The following BICD1 variants were observed in gnomAD, a reference collection of about 807,000 sequenced individuals.
The protein encoded by BICD1 is protein bicaudal D homolog 1.
In BICD1, 35 loss-of-function variants were observed where a neutral mutation model predicts 92.5. The ratio of observed to expected loss-of-function variants is 0.38; its 90% CI spans 0.29 to 0.50. The LOEUF (loss-of-function observed/expected upper bound fraction) is 0.50, where lower values mean the gene tolerates loss of function less well. Ranked by LOEUF, BICD1 falls within the 20% of genes least tolerant of loss-of-function variation. The probability of loss-of-function intolerance (pLI) is 0.93; values close to 1 mark genes in which losing one functional copy is unlikely to be tolerated. For missense variants in BICD1, 950 were observed against 1,189.8 expected (o/e 0.80, Z 2.97); for synonymous variants, 429 against 465.1 (o/e 0.92, Z 1.00).
intron 2 of BICD1, among the ~76,000 whole-genome samples, chr12:32,280,974 G>A (rs561751879): frequency 1.3e-5 from 2 of 152,328 alleles, no homozygotes; most frequent in African/African-American, 2.4e-5. Flanking sequence ...CTCTTACAGA[G>A]TCTCAGTGCA....
At chr12:32,150,460 C>G (rs1299491154) in intron 1 of BICD1, among the ~76,000 whole-genome samples, 3 of 143,334 alleles carry the variant, frequency 2.1e-5, no homozygotes, top group African/African-American at 7.9e-5. Flanking sequence ...GAAGCCCAAT[C>G]AATTTTAGAG....
At position 32,357,844 on chromosome 12, in the gene BICD1, T is replaced by C. The variant is rs562554550; in HGVS notation, c.2765-9826T>C. 2.0e-5 allele frequency among the ~76,000 whole-genome samples: 3 copies of C among 152,302 alleles called. No individual in the cohort carries two copies. In the South Asian group the frequency reaches 6.2e-4, roughly 32 times the overall value. On this transcript the variant is annotated intron_variant, in intron 8 of 9. Transcript: ENST00000652176. Reference sequence around the variant, plus strand: ...TTAATTTAGTCACCTCTTGTAAAGGTCCTGTCTTCAAATACAGTTGCATTC... The same window carrying C: ...TTAATTTAGTCACCTCTTGTAAAGGCCCTGTCTTCAAATACAGTTGCATTC...
At chr12:32,186,813 T>C (rs1944433494) in intron 1 of BICD1, among the ~76,000 whole-genome samples, 1 of 152,256 alleles carries the variant, frequency 6.6e-6, no homozygotes, top group African/African-American at 2.4e-5. Context: ...CTCTGCATTA[T>C]ATTTATGGAA....
chr12:32,327,389 G>A (rs1369270362), intron 4 of BICD1, 72 bp from the exon 5 acceptor site: 8 of 1,508,050 alleles, frequency 5.3e-6, no homozygotes, highest in Admixed American at 4.4e-5. Context: ...ATACATGCCC[G>A]ACTGTGAATG....
At chr12:32,222,837 G>A (rs1352220395) in intron 2 of BICD1, among the ~76,000 whole-genome samples, 3 of 152,106 alleles carry the variant, frequency 2.0e-5, no homozygotes, top group African/African-American at 7.2e-5. Context: ...CTCTCCGGAG[G>A]ACACAGCAAC....
intron 2 of BICD1, among the ~76,000 whole-genome samples, chr12:32,291,537 A>T (rs563422850): frequency 9.5e-4 from 144 of 151,172 alleles, no homozygotes; most frequent in African/African-American, 1.9e-3. Flanking sequence ...ACCAAAAAAA[A>T]AAATATATAT....
At chr12:32,185,869 C>T (rs145504035) in intron 1 of BICD1, among the ~76,000 whole-genome samples, 27 of 152,358 alleles carry the variant, frequency 1.8e-4, no homozygotes, top group African/African-American at 5.8e-4. Flanking sequence ...CACGCCATTT[C>T]ATCTTTTCCC....
At chr12:32,279,666 A>G (rs1233431159) in intron 2 of BICD1, among the ~76,000 whole-genome samples, 1 of 152,230 alleles carries the variant, frequency 6.6e-6, no homozygotes, top group Admixed American at 6.5e-5. Flanking sequence ...TTGAAGTGAC[A>G]CTGAAATGTG....
At chr12:32,367,920 A>G in intron 9 of BICD1, 175 bp downstream of exon 9, 3 of 602,728 alleles carry the variant, frequency 5.0e-6, no homozygotes, top group Non-Finnish European at 8.8e-6. Context: ...TCCCAGTAGG[A>G]ATACAAGAGA....
At chr12:32,225,054 C>A (rs1027093659) in intron 2 of BICD1, among the ~76,000 whole-genome samples, 1 of 152,136 alleles carries the variant, frequency 6.6e-6, no homozygotes, top group African/African-American at 2.4e-5. Context: ...AGGAGGTAGA[C>A]CAGTTTCACC....
chr12:32,142,192 G>T (rs2121372354), intron 1 of BICD1, among the ~76,000 whole-genome samples: 2 of 151,984 alleles, frequency 1.3e-5, no homozygotes, highest in East Asian at 3.9e-4. Context: ...GGTCACTAGA[G>T]GTCAGGAGTT....
intron 1 of BICD1, among the ~76,000 whole-genome samples, chr12:32,213,488 C>T (rs1190734770): frequency 2.0e-5 from 3 of 152,156 alleles, no homozygotes; most frequent in South Asian, 2.1e-4. Flanking sequence ...CTCCGTCTCT[C>T]GGGTTCAAGT....
At chr12:32,202,317 G>T (rs531558272) in intron 1 of BICD1, among the ~76,000 whole-genome samples, 1 of 152,130 alleles carries the variant, frequency 6.6e-6, no homozygotes, top group African/African-American at 2.4e-5. Flanking sequence ...AGGCAATTGT[G>T]GGAAAAAATC....
At chr12:32,162,246 C>A (rs979869396) in intron 1 of BICD1, among the ~76,000 whole-genome samples, 3 of 152,198 alleles carry the variant, frequency 2.0e-5, no homozygotes, top group African/African-American at 7.2e-5. Flanking sequence ...AATATTCCAG[C>A]CTCTGCTGGA....
At chr12:32,142,361 G>A (rs560264399) in intron 1 of BICD1, among the ~76,000 whole-genome samples, 1 of 131,448 alleles carries the variant, frequency 7.6e-6, no homozygotes, top group Non-Finnish European at 1.6e-5. Context: ...AGCTGAGATC[G>A]TGTCACCACA....
intron 1 of BICD1, among the ~76,000 whole-genome samples, chr12:32,160,839 T>G (rs1410892768): frequency 2.0e-5 from 3 of 152,194 alleles, no homozygotes; most frequent in Non-Finnish European, 4.4e-5. Flanking sequence ...TTTTCCCCTC[T>G]TATTAAAACT....
At chr12:32,241,988 A>G (rs1029317159) in intron 2 of BICD1, among the ~76,000 whole-genome samples, 1 of 151,988 alleles carries the variant, frequency 6.6e-6, no homozygotes, top group African/African-American at 2.4e-5. Flanking sequence ...TGAGCTCAGG[A>G]GTTCAAGACC....
chr12:32,168,837 C>T (rs950343222), intron 1 of BICD1, among the ~76,000 whole-genome samples: 1 of 152,080 alleles, frequency 6.6e-6, no homozygotes, highest in African/African-American at 2.4e-5. Flanking sequence ...TGGCGGGTAC[C>T]TGTAATCCCA....
chr12:32,279,303 G>T (rs951640312), intron 2 of BICD1, among the ~76,000 whole-genome samples: 1 of 152,094 alleles, frequency 6.6e-6, no homozygotes, highest in Admixed American at 6.5e-5. Context: ...AATTGATTGC[G>T]GTGGTGGTCA....
Sources: gnomAD v4.1 joint callset for allele counts (sites outside exome capture counted in the v4.1 genomes callset) on GRCh38, gnomAD v4.1.1 for gene constraint, MANE v1.5 for transcripts, NCBI Gene and HGNC (gene_info 2026-07-23, HGNC 2026-07-21) for gene names.